Variants in RBFOX1 observed in about 807,000 individuals in gnomAD.
RBFOX1 encodes RNA binding protein fox-1 homolog 1.
In RBFOX1, 8 loss-of-function variants were observed where a neutral mutation model predicts 57.7. The ratio of observed to expected loss-of-function variants is 0.14; its 90% CI spans 0.08 to 0.25. The LOEUF (loss-of-function observed/expected upper bound fraction) is 0.25, where lower values mean the gene tolerates loss of function less well. Ranked by LOEUF, RBFOX1 falls within the 10% of genes least tolerant of loss-of-function variation. RBFOX1 has a pLI of 1.00. For missense variants in RBFOX1, 611 were observed against 548.5 expected, an observed-to-expected ratio of 1.11 and a Z score of -1.14; for synonymous variants, 326 against 222.4, an observed-to-expected ratio of 1.47 and a Z score of -4.15.
chr16:7,104,830 AC>A (rs1177765954), intron 4 of RBFOX1, among the ~76,000 whole-genome samples: 4 of 152,188 alleles, frequency 2.6e-5, no homozygotes, highest in Non-Finnish European at 5.9e-5. Context: ...CAGACAAAAC[AC>A]ATTCTTCAAG....
At chr16:5,417,542 G>C (rs1275964162) in intron 1 of RBFOX1, among the ~76,000 whole-genome samples, 5 of 152,122 alleles carry the variant, frequency 3.3e-5, no homozygotes. Flanking sequence ...GATCAATCGT[G>C]GATTTCTTAC....
At chr16:5,720,614 T>C (rs2342729) in intron 3 of RBFOX1, among the ~76,000 whole-genome samples, 115,744 of 152,014 alleles carry the variant, frequency 0.76, 44,539 homozygotes, top group Non-Finnish European at 0.82. Context: ...TTTTTATCTA[T>C]GGTGGAAGGA....
intron 4 of RBFOX1, among the ~76,000 whole-genome samples, chr16:7,205,033 G>A (rs2089631152): frequency 6.6e-6 from 1 of 152,098 alleles, no homozygotes; most frequent in African/African-American, 2.4e-5. Context: ...GGGGAGGTGG[G>A]AGTATGATGC....
chr16:6,871,292 T>C (rs2060831549), intron 3 of RBFOX1, among the ~76,000 whole-genome samples: 1 of 152,168 alleles, frequency 6.6e-6, no homozygotes, highest in Non-Finnish European at 1.5e-5. Flanking sequence ...TTAAAGTGAT[T>C]TTCCTGCATC....
intron 4 of RBFOX1, among the ~76,000 whole-genome samples, chr16:7,342,520 CA>C: frequency 6.6e-6 from 1 of 152,172 alleles, no homozygotes; most frequent in South Asian, 2.1e-4. Context: ...TTGGTTTGTT[CA>C]TGATTTCTGG....
At chr16:5,541,908 A>G (rs1330758729) in intron 2 of RBFOX1, among the ~76,000 whole-genome samples, 2 of 152,152 alleles carry the variant, frequency 1.3e-5, no homozygotes, top group African/African-American at 4.8e-5. Context: ...ATTTTATTTC[A>G]GTAGTTTTTT....
At chr16:7,705,196 G>C (rs534653737) in intron 14 of RBFOX1, among the ~76,000 whole-genome samples, 3 of 152,070 alleles carry the variant, frequency 2.0e-5, no homozygotes, top group African/African-American at 7.2e-5. Flanking sequence ...ATTTGCATGT[G>C]TGCAGGAACG....
intron 13 of RBFOX1, among the ~76,000 whole-genome samples, chr16:7,673,849 G>A (rs1183576836): frequency 2.0e-5 from 3 of 152,186 alleles, no homozygotes; most frequent in African/African-American, 7.2e-5. Flanking sequence ...TTGGTGGTGG[G>A]AAAAATTTAA....
intron 3 of RBFOX1, among the ~76,000 whole-genome samples, chr16:5,824,503 G>T (rs1001705242): frequency 6.6e-6 from 1 of 152,238 alleles, no homozygotes; most frequent in African/African-American, 2.4e-5. Context: ...CATGCAGGGG[G>T]CTGCAGGGTG....
chr16:5,692,826 C>T (rs924301209), intron 3 of RBFOX1, among the ~76,000 whole-genome samples: 2 of 151,862 alleles, frequency 1.3e-5, no homozygotes, highest in Non-Finnish European at 2.9e-5. Context: ...ATCTGCAAGC[C>T]GAGTAAGAAA....
intron 2 of RBFOX1, among the ~76,000 whole-genome samples, chr16:6,508,676 G>C (rs375523029): frequency 1.3e-5 from 2 of 152,008 alleles, no homozygotes; most frequent in African/African-American, 4.8e-5. Context: ...AACATGGCAA[G>C]GTCATTCCAT....
chr16:7,221,347 A>ATTTG (rs1555593172), intron 4 of RBFOX1, among the ~76,000 whole-genome samples: 1 of 131,448 alleles, frequency 7.6e-6, no homozygotes, highest in Non-Finnish European at 1.6e-5. Flanking sequence ...TTATTTGATT[A>ATTTG]TTTATTTATT....
chr16:6,455,877 C>G (rs73540052), intron 2 of RBFOX1, among the ~76,000 whole-genome samples: 2,185 of 152,110 alleles, frequency 0.014, 44 homozygotes, highest in African/African-American at 0.041. Context: ...CGTGGTGAGC[C>G]TAGTAATGAA....
At chr16:7,642,791 A>C (rs1387440986) in intron 11 of RBFOX1, among the ~76,000 whole-genome samples, 2 of 152,176 alleles carry the variant, frequency 1.3e-5, no homozygotes, top group East Asian at 3.9e-4. Context: ...AATTAAAATA[A>C]ATCTCAGCTC....
intron 3 of RBFOX1, among the ~76,000 whole-genome samples, chr16:5,648,492 G>C (rs2049121291): frequency 6.6e-6 from 1 of 152,132 alleles, no homozygotes; most frequent in African/African-American, 2.4e-5. Flanking sequence ...ATTTGGCAAT[G>C]TCCAGTGACA....
chr16:7,001,669 G>A (rs1277628473), intron 3 of RBFOX1, among the ~76,000 whole-genome samples: 3 of 151,896 alleles, frequency 2.0e-5, no homozygotes, highest in Non-Finnish European at 2.9e-5. Context: ...GTTGGCCAGG[G>A]TGGTCTCAAA....
At chr16:5,641,613 G>A (rs949014310) in intron 3 of RBFOX1, among the ~76,000 whole-genome samples, 4 of 152,210 alleles carry the variant, frequency 2.6e-5, no homozygotes, top group African/African-American at 9.6e-5. Flanking sequence ...CCTTTTGGGT[G>A]TGCCATGCAG....
chr16:6,653,781 G>C (rs148273348), intron 2 of RBFOX1, among the ~76,000 whole-genome samples: 4 of 151,760 alleles, frequency 2.6e-5, no homozygotes, highest in Admixed American at 1.3e-4. Flanking sequence ...TGGATGGATA[G>C]GTGGGTGGAT....
At chr16:5,480,713 C>A (rs1461885532) in intron 2 of RBFOX1, among the ~76,000 whole-genome samples, 1 of 152,142 alleles carries the variant, frequency 6.6e-6, no homozygotes, top group Non-Finnish European at 1.5e-5. Context: ...TCTTTTGTGA[C>A]TTGCTTTGTT....
Sources: allele counts gnomAD v4.1 joint callset (sites outside exome capture counted in the v4.1 genomes callset), GRCh38; gene constraint gnomAD v4.1.1; transcripts MANE v1.5; gene names NCBI Gene and HGNC (gene_info 2026-07-23, HGNC 2026-07-21).